The following KIN variants were observed in gnomAD, a reference collection of about 807,000 sequenced individuals.
KIN encodes the protein DNA/RNA-binding protein KIN17.
A neutral mutation model predicts 63.0 loss-of-function variants in KIN; 47 were observed. The observed-to-expected ratio is 0.75, with a 90% CI of 0.59 to 0.95. The LOEUF (loss-of-function observed/expected upper bound fraction) is 0.95. Ranked by LOEUF, KIN falls within the 40% of genes least tolerant of loss-of-function variation. The pLI is 0.00. For missense variants in KIN, 408 were observed against 460.9 expected (o/e 0.89, Z 1.05); for synonymous variants, 160 against 157.7 (o/e 1.01, Z -0.11).
intron 1 of KIN, among the ~76,000 whole-genome samples, chr10:7,787,595 A>G (rs1329601811): frequency 6.6e-6 from 1 of 151,848 alleles, no homozygotes; most frequent in Non-Finnish European, 1.5e-5. Flanking sequence ...CGGACTGGGG[A>G]GGAATGAGGG....
intron 7 of KIN, among the ~76,000 whole-genome samples, chr10:7,773,574 T>C (rs1012576552): frequency 2.6e-5 from 4 of 152,210 alleles, no homozygotes; most frequent in African/African-American, 9.6e-5. Flanking sequence ...GGTGTTAATT[T>C]TGAAACATTA....
chr10:7,765,062 G>T (rs1835514665), intron 9 of KIN, among the ~76,000 whole-genome samples: 2 of 151,812 alleles, frequency 1.3e-5, no homozygotes. Flanking sequence ...GGGAGGCTGA[G>T]GCAGGAAAAT....
In KIN at chr10:7,753,719, C is replaced by T. The variant is rs937299076; in HGVS notation, c.*2361G>A. On this transcript the variant is annotated 3_prime_UTR_variant, in exon 13 of 13. Transcript: ENST00000379562. ...CAGAATTTGATCTAAAGACTGCCCA[C>T]ACCCAAAACCCAGTTGCTTTCCATA... is the stretch of plus-strand genomic sequence containing the variant. The T allele has an allele frequency of 3.6e-5, 6 of 165,682 alleles. No homozygotes were observed. Among genetic ancestry groups the T allele is most frequent in the African/African-American group, 1.4e-4 (6 of 41,714 alleles). 10.3% of individuals were successfully genotyped at this position (165,682 alleles called of 1,614,324 possible). A position where few individuals can be genotyped will look rare whatever the true frequency, so the allele number is the denominator to read the frequency against.
chr10:7,786,553 G>T (rs1464439083), intron 1 of KIN, among the ~76,000 whole-genome samples: 1 of 151,970 alleles, frequency 6.6e-6, no homozygotes, highest in East Asian at 1.9e-4. Flanking sequence ...TTTAGATGAG[G>T]TCACAAGGGT....
At position 7,787,946 on chromosome 10, in the gene KIN, A is replaced by G; in HGVS notation, c.-13T>C. 6 of 1,592,494 alleles carry G rather than the reference A, an allele frequency of 3.8e-6. No individual in the cohort carries two copies. Among genetic ancestry groups the G allele is most frequent in the Non-Finnish European group, 5.2e-6 (6 of 1,160,270 alleles). On this transcript the variant is annotated 5_prime_UTR_variant, in exon 1 of 13. Coordinates refer to ENST00000379562, the MANE Select transcript of KIN (RefSeq NM_012311.4). ...CCGACTTCCCCATGGCGACCACGGC[A>G]GCGATCACTTTCTGGACCCCAGTAC... is the stretch of plus-strand genomic sequence containing the variant.
chr10:7,781,914 G>A (rs960009503), intron 2 of KIN, among the ~76,000 whole-genome samples: 7 of 151,806 alleles, frequency 4.6e-5, no homozygotes, highest in African/African-American at 7.3e-5. Flanking sequence ...AAAAATTAGC[G>A]GAGCGTGGTG....
chr10:7,776,093 G>T (rs531153808), intron 5 of KIN, among the ~76,000 whole-genome samples: 1 of 151,808 alleles, frequency 6.6e-6, no homozygotes, highest in African/African-American at 2.4e-5. Context: ...AGCCGAGCAT[G>T]GTGGTATGCA....
intron 7 of KIN, 77 bp from the exon 8 acceptor site, chr10:7,769,422 T>C (rs1255603019): frequency 7.1e-7 from 1 of 1,412,272 alleles, no homozygotes; most frequent in Non-Finnish European, 9.7e-7. Context: ...AAATTCACAA[T>C]ATAGAATAAA....
In KIN at chr10:7,766,111, A is replaced by C; in HGVS notation, c.799-8T>G. Reference sequence around the variant, plus strand: ...TTTCTTTTCCTCTTCAATCTGTAGAACACATAATGTCTTAAATTATCTCCC... The same window carrying C: ...TTTCTTTTCCTCTTCAATCTGTAGACCACATAATGTCTTAAATTATCTCCC... On this transcript the variant is annotated splice_polypyrimidine_tract_variant and splice_region_variant and intron_variant, in intron 8 of 12. Coordinates refer to ENST00000379562, the MANE Select transcript of KIN (RefSeq NM_012311.4). 3.8e-6 allele frequency: 6 copies of C among 1,598,662 alleles called. No homozygotes were observed. Among genetic ancestry groups the C allele is most frequent in the Non-Finnish European group, 5.1e-6 (6 of 1,167,694 alleles).
chr10:7,758,175 C>T (rs149216495), intron 12 of KIN, among the ~76,000 whole-genome samples: 2 of 151,276 alleles, frequency 1.3e-5, no homozygotes, highest in African/African-American at 4.9e-5. Flanking sequence ...CAGGTTCAAG[C>T]GATTCTCCTG....
chr10:7,764,404 C>T lies in KIN; in HGVS notation c.850-613G>A, dbSNP rs557697091. On this transcript the variant is annotated intron_variant, in intron 9 of 12. Coordinates refer to ENST00000379562, the MANE Select transcript of KIN (RefSeq NM_012311.4). ...TTCTTATGAATGAATTCAGAGTTTGCTTCTTTACCATTTTTTCCTGATTTG... is the reference window on the plus strand; with the variant it reads ...TTCTTATGAATGAATTCAGAGTTTGTTTCTTTACCATTTTTTCCTGATTTG... Among the ~76,000 whole-genome samples, 6 of 152,256 alleles carry T rather than the reference C, an allele frequency of 3.9e-5. No individual in the cohort carries two copies. In the South Asian group the frequency reaches 1.0e-3, roughly 26 times the overall value.
intron 2 of KIN, among the ~76,000 whole-genome samples, 191 bp from the exon 3 acceptor site, chr10:7,780,498 G>A (rs1835875490): frequency 6.6e-6 from 1 of 152,098 alleles, no homozygotes; most frequent in Admixed American, 6.6e-5. Context: ...AGGTTCAAGT[G>A]ATTCTCTTGC....
In KIN at chr10:7,762,634, G is replaced by A; in HGVS notation, c.919-78C>T. ...TTAAAAGGTCAAAAGCAAATGAAAT[G>A]AAGACAAATAAAATATCAATCAAAA... On this transcript the variant is annotated intron_variant, in intron 10 of 12. Transcript: ENST00000379562. The A allele has an allele frequency of 4.3e-6, 3 of 691,630 alleles. No individual in the cohort carries two copies. In the South Asian group the frequency reaches 6.2e-5, roughly 14 times the overall value. The allele number at this position is 691,630 out of a possible 1,614,324, so 42.8% of individuals were successfully genotyped here.
intron 1 of KIN, among the ~76,000 whole-genome samples, chr10:7,783,893 T>C (rs1835947441): frequency 6.6e-6 from 1 of 152,164 alleles, no homozygotes; most frequent in African/African-American, 2.4e-5. Context: ...ATTCAGCTTC[T>C]TAATAACCCA....
chr10:7,760,163 AC>A (rs1273219905), intron 11 of KIN, among the ~76,000 whole-genome samples, 173 bp from the exon 12 acceptor site: 2 of 152,196 alleles, frequency 1.3e-5, no homozygotes, highest in Non-Finnish European at 2.9e-5. Context: ...GTGTATGGAT[AC>A]TTTCACTACT....
chr10:7,762,403 T>C, intron 11 of KIN, 54 bp downstream of exon 11: 3 of 1,018,538 alleles, frequency 2.9e-6, no homozygotes, highest in Middle Eastern at 2.1e-4. Context: ...GGTTTGAAAA[T>C]GGAACCGCTC....
At chr10:7,786,614 G>T (rs1053323911) in intron 1 of KIN, among the ~76,000 whole-genome samples, 1 of 151,924 alleles carries the variant, frequency 6.6e-6, no homozygotes, top group Non-Finnish European at 1.5e-5. Flanking sequence ...AAAAAAAGAG[G>T]AAGAGAAGTT....
In KIN at chr10:7,762,475, T is replaced by A. The variant is rs754573388; in HGVS notation, c.1000A>T (p.Thr334Ser). The A allele has an allele frequency of 2.5e-6, 4 of 1,606,106 alleles. No individual in the cohort carries two copies. The East Asian group carries it at 8.9e-5, about 36-fold the overall frequency. The change falls in exon 11 of 13, where the codon ACA (threonine) becomes TCA (serine). Residue 334 changes from threonine (T) to serine (S), a missense_variant. By Grantham distance (58) the Thr-to-Ser change is moderately conservative (BLOSUM62 1). This residue lies in a region of KIN where 298 missense variants were observed against 296.0 expected (regional missense o/e 1.01). Coordinates refer to ENST00000379562, the MANE Select transcript of KIN (RefSeq NM_012311.4). ...KLKLDQTHLE[T>S]VIPAPGKRIL... Reference sequence around the variant, plus strand: ...GATTTACCTGGTGCTGGAATTACTGTCTCTAAATGAGTCTGGTCAAGTTTC... The same window carrying A: ...GATTTACCTGGTGCTGGAATTACTGACTCTAAATGAGTCTGGTCAAGTTTC...
At chr10:7,763,529 T>G (rs548182520) in intron 10 of KIN, among the ~76,000 whole-genome samples, 194 bp downstream of exon 10, 3 of 152,330 alleles carry the variant, frequency 2.0e-5, no homozygotes, top group African/African-American at 7.2e-5. Context: ...AGATCAACGC[T>G]GAGTAGAAAC....
Sources: gnomAD v4.1 joint callset for allele counts (sites outside exome capture counted in the v4.1 genomes callset) on GRCh38, gnomAD v4.1.1 for gene constraint, gnomAD v4.1.1 regional missense constraint, MANE v1.5 for transcripts, NCBI Gene and HGNC (gene_info 2026-07-23, HGNC 2026-07-21) for gene names.